The following WIPI2 variants were observed in gnomAD, a reference collection of about 807,000 sequenced individuals.
The protein encoded by WIPI2 is WD repeat domain, phosphoinositide interacting 2, also known as WD repeat domain phosphoinositide-interacting protein 2.
In WIPI2, 28 loss-of-function variants were observed where a neutral mutation model predicts 52.3. That is an observed-to-expected ratio of 0.54 (90% confidence interval 0.40 to 0.73). The LOEUF is 0.73. Ranked by LOEUF, WIPI2 falls within the 30% of genes least tolerant of loss-of-function variation. The probability of loss-of-function intolerance (pLI) is 0.00; values close to 1 mark genes in which losing one functional copy is unlikely to be tolerated. For missense variants in WIPI2, 506 were observed against 602.9 expected (o/e 0.84, Z 1.68); for synonymous variants, 268 against 245.0 (o/e 1.09, Z -0.88).
intron 1 of WIPI2, among the ~76,000 whole-genome samples, chr7:5,191,392 G>T (rs1312425960): frequency 6.6e-6 from 1 of 152,132 alleles, no homozygotes; most frequent in African/African-American, 2.4e-5. Context: ...AATAACCTTG[G>T]CATCTGACCT....
rs971469600 is a variant in WIPI2 at position 5,230,571 on chromosome 7, T to C, written c.1253-264T>C. On this transcript the variant is annotated intron_variant, in intron 12 of 12. Transcript: ENST00000288828. The surrounding 1 kb of genome is among the most constrained non-coding windows in gnomAD (Gnocchi z 4.8). ...AGCTCTTAACCAGCTTGAGAGAGTT[T>C]GTGGCCCGTCCATGAGGGAGCCTCT... Among the ~76,000 whole-genome samples, 2 of 152,242 alleles carry C rather than the reference T, an allele frequency of 1.3e-5. No individual in the cohort carries two copies. Among genetic ancestry groups the C allele is most frequent in the Non-Finnish European group, 2.9e-5 (2 of 68,050 alleles).
At chr7:5,213,798 G>T (rs1038463524) in intron 3 of WIPI2, among the ~76,000 whole-genome samples, 1 of 152,138 alleles carries the variant, frequency 6.6e-6, no homozygotes, top group Non-Finnish European at 1.5e-5. Context: ...CCGTTCTCCT[G>T]CCTCAGGCTC....
At chr7:5,217,051 G>T (rs1467094683) in intron 5 of WIPI2, 39 bp from the exon 6 acceptor site, 4 of 1,580,568 alleles carry the variant, frequency 2.5e-6, no homozygotes, top group Non-Finnish European at 3.5e-6. Context: ...GAACTCTCAG[G>T]TGGAAGTTTG....
chr7:5,229,614 C>T lies in WIPI2; in HGVS notation c.1128C>T (p.Asp376=), dbSNP rs142552712. 1.4e-4 allele frequency: 233 copies of T among 1,612,952 alleles called. 2 individuals are homozygous for T. Among genetic ancestry groups the T allele is most frequent in the African/African-American group, 8.5e-4 (64 of 75,010 alleles). Residue 376 remains aspartate, a synonymous_variant, in exon 12 of 13, where the codon GAC becomes GAT. Transcript: ENST00000288828. ...ECALMKQHRL[D]GSLETTNEIL... The stretch of plus-strand genomic sequence containing the variant: ...GTCGCTTTCTTCCCTCCAGGCTGGA[C>T]GGCAGTCTGGAAACGACCAATGAGA...
intron 3 of WIPI2, among the ~76,000 whole-genome samples, chr7:5,200,729 G>A (rs371817211): frequency 1.3e-5 from 2 of 152,234 alleles, no homozygotes; most frequent in Middle Eastern, 3.4e-3. Context: ...GCGGCCTTTC[G>A]GACTCGCTCC....
In WIPI2 at chr7:5,227,633, G is replaced by A. The variant is rs1783503234; in HGVS notation, c.1013+289G>A. Among the ~76,000 whole-genome samples, 1 of 152,142 alleles carries A rather than the reference G, an allele frequency of 6.6e-6. No homozygotes were observed. The highest frequency in any genetic ancestry group is 6.5e-5 in the Admixed American group (1 of 15,272). On this transcript the variant is annotated intron_variant, in intron 10 of 12. Coordinates refer to ENST00000288828, the MANE Select transcript of WIPI2 (RefSeq NM_015610.4). The surrounding 1 kb of genome is among the most constrained non-coding windows in gnomAD (Gnocchi z 8.1). ...TGAGTGTGCCGTAGTTAACCCTTTG[G>A]GGCCACAGAAACCGCACTTGCCGAG...
chr7:5,200,671 T>C lies in WIPI2; in HGVS notation c.211+1013T>C, dbSNP rs1010604461. On this transcript the variant is annotated intron_variant, in intron 3 of 12. Transcript: ENST00000288828. Reference sequence around the variant, plus strand: ...CCCAGGTTCCAGCGATTCTGAACTTTGTGCTGGTGACTTTTAATTATGGTG... The same window carrying C: ...CCCAGGTTCCAGCGATTCTGAACTTCGTGCTGGTGACTTTTAATTATGGTG... 6.6e-5 allele frequency among the ~76,000 whole-genome samples: 10 copies of C among 152,176 alleles called. No individual in the cohort carries two copies. The East Asian group carries it at 7.7e-4, about 12-fold the overall frequency.
intron 9 of WIPI2, chr7:5,226,286 T>TA (rs1783428334): frequency 4.1e-6 from 1 of 246,252 alleles, no homozygotes; most frequent in African/African-American, 2.2e-5. Flanking sequence ...GCTCGTCTCT[T>TA]ACCTTCCCAC....
chr7:5,197,118 CAAAAAAAAAAAAA>C (rs869261081), intron 2 of WIPI2, among the ~76,000 whole-genome samples: 1 of 41,452 alleles, frequency 2.4e-5, no homozygotes, highest in African/African-American at 7.6e-5. Flanking sequence ...TCTCAAAAAA[CAAAAAAAAAAAAA>C]AAAAAAAAAA....
chr7:5,232,171 A>T lies in WIPI2; in HGVS notation c.*1224A>T. 2.5e-6 allele frequency: 1 copy of T among 398,840 alleles called. No individual in the cohort carries two copies. The highest frequency in any genetic ancestry group is 4.4e-6 in the Non-Finnish European group (1 of 226,078). The allele number at this position is 398,840 out of a possible 1,614,324, so 24.7% of individuals were successfully genotyped here. A position where few individuals can be genotyped will look rare whatever the true frequency, so the allele number is the denominator to read the frequency against. ...GGAGAGATGGTTTTAGAATCTATGG[A>T]GTGGTGGAAGTTACGGATAGAAGGG... On this transcript the variant is annotated 3_prime_UTR_variant, in exon 13 of 13. Coordinates refer to ENST00000288828, the MANE Select transcript of WIPI2 (RefSeq NM_015610.4).
At chr7:5,198,525 G>A (rs1781863062) in intron 2 of WIPI2, among the ~76,000 whole-genome samples, 1 of 152,116 alleles carries the variant, frequency 6.6e-6, no homozygotes. Context: ...TGTTGGCCAG[G>A]CAGGTCTCAA....
chr7:5,229,779 C>A, intron 12 of WIPI2, 41 bp downstream of exon 12: 1 of 1,610,902 alleles, frequency 6.2e-7, no homozygotes, highest in Non-Finnish European at 8.5e-7. Context: ...ATTAGCCCCA[C>A]AGCCCCGAGT....
chr7:5,191,550 G>T (rs1781485928), intron 1 of WIPI2, among the ~76,000 whole-genome samples: 1 of 152,160 alleles, frequency 6.6e-6, no homozygotes, highest in African/African-American at 2.4e-5. Context: ...ACTGATACGG[G>T]TTGGATGCTG....
At chr7:5,225,787 C>T (rs773414958) in intron 8 of WIPI2, 36 bp from the exon 9 acceptor site, 127 of 1,531,656 alleles carry the variant, frequency 8.3e-5, no homozygotes, top group Non-Finnish European at 1.1e-4. Flanking sequence ...CAGCTGCTGG[C>T]TCCGGTGGCC....
At position 5,227,845 on chromosome 7, in the gene WIPI2, C is replaced by T. The variant is rs1003478998; in HGVS notation, c.1014-259C>T. Among the ~76,000 whole-genome samples the T allele has an allele frequency of 5.3e-5, 8 of 152,176 alleles. No homozygotes were observed. The highest frequency in any genetic ancestry group is 3.9e-4 in the Admixed American group (6 of 15,274). The stretch of plus-strand genomic sequence containing the variant: ...CTAGCATCCTGGAAAACTTCTCTGA[C>T]GATGACTACCTATAATAATCCCAGA... On this transcript the variant is annotated intron_variant, in intron 10 of 12. Coordinates refer to ENST00000288828, the MANE Select transcript of WIPI2 (RefSeq NM_015610.4). This position sits in a 1 kb window ranked among gnomAD's most constrained non-coding sequence, Gnocchi z 8.1.
At chr7:5,218,286 C>T (rs959379504) in intron 7 of WIPI2, 3 of 359,898 alleles carry the variant, frequency 8.3e-6, no homozygotes, top group South Asian at 3.6e-5. Flanking sequence ...GTAACCACAC[C>T]GCTCACCCAG....
intron 3 of WIPI2, among the ~76,000 whole-genome samples, chr7:5,207,539 T>C (rs982862502): frequency 6.6e-6 from 1 of 152,222 alleles, no homozygotes; most frequent in African/African-American, 2.4e-5. Context: ...ATGACAGTTA[T>C]CTGGGCTCTT....
In WIPI2 at chr7:5,230,103, C is replaced by T. The variant is rs1337325593; in HGVS notation, c.1252+365C>T. On this transcript the variant is annotated intron_variant, in intron 12 of 12. Transcript: ENST00000288828. This position sits in a 1 kb window ranked among gnomAD's most constrained non-coding sequence, Gnocchi z 4.8. ...TCTCCGTTTTTAAAGAAAATGTCAT[C>T]CTGGCTCAGGTGACTCTGGGGTCAC... Among the ~76,000 whole-genome samples the T allele has an allele frequency of 6.6e-6, 1 of 152,084 alleles. No homozygotes were observed. Among genetic ancestry groups the T allele is most frequent in the East Asian group, 1.9e-4 (1 of 5,198 alleles).
chr7:5,209,245 G>C (rs1782441645), intron 3 of WIPI2, among the ~76,000 whole-genome samples: 1 of 152,116 alleles, frequency 6.6e-6, no homozygotes, highest in Non-Finnish European at 1.5e-5. Flanking sequence ...TGGCAGTGAA[G>C]GCTGTTTGAT....
Sources: gnomAD v4.1 joint callset for allele counts (sites outside exome capture counted in the v4.1 genomes callset) on GRCh38, gnomAD v4.1.1 for gene constraint, Gnocchi (gnomAD v3.1) non-coding constraint, MANE v1.5 for transcripts, NCBI Gene and HGNC (gene_info 2026-07-23, HGNC 2026-07-21) for gene names.